Variants in PEDS1 observed in about 807,000 individuals in gnomAD.
PEDS1 encodes CarF homolog.
PEDS1 carries 14 observed loss-of-function variants against 35.2 expected under a neutral mutation model. The observed-to-expected ratio is 0.40, with a 90% confidence interval of 0.26 to 0.62. The LOEUF (loss-of-function observed/expected upper bound fraction) is 0.62. Ranked by LOEUF, PEDS1 falls within the 20% of genes least tolerant of loss-of-function variation. The pLI, the probability that PEDS1 is intolerant of heterozygous loss-of-function variation, is 0.44. For missense variants in PEDS1, 260 were observed against 367.8 expected, an observed-to-expected ratio of 0.71 and a Z score of 2.40; for synonymous variants, 152 against 152.0, an observed-to-expected ratio of 1.00 and a Z score of 0.00.
rs6095774 is a variant in PEDS1 at position 50,128,281 on chromosome 20, C to T, written c.479-94G>A. Reference sequence around the variant, plus strand: ...CTCACCACCTGCTCCTGGGCGGCTCCTGAGCTGGGCAAGCACCCAGGATTC... The same window carrying T: ...CTCACCACCTGCTCCTGGGCGGCTCTTGAGCTGGGCAAGCACCCAGGATTC... On this transcript the variant is annotated intron_variant, in intron 4 of 5. Transcript: ENST00000371652. This position sits in a 1 kb window ranked among gnomAD's most constrained non-coding sequence, Gnocchi z 5.2. 1.0e-3 allele frequency: 1,478 copies of T among 1,464,508 alleles called. 10 individuals carry two copies. The highest frequency in any genetic ancestry group is 7.3e-3 in the African/African-American group (527 of 71,874). The allele number at this position is 1,464,508 out of a possible 1,614,324, so 90.7% of individuals were successfully genotyped here.
intron 1 of PEDS1, among the ~76,000 whole-genome samples, chr20:50,149,651 A>C (rs2081381936): frequency 6.6e-6 from 1 of 151,960 alleles, no homozygotes; most frequent in South Asian, 2.1e-4. Context: ...TGCACCTGTC[A>C]CCATTCCCTC....
rs2081207823 is a variant in PEDS1, at chr20:50,134,099, C to CAGCTCT, written c.242-3158_242-3153dup. Among the ~76,000 whole-genome samples, 7 of 152,390 alleles carry CAGCTCT rather than the reference C, an allele frequency of 4.6e-5. No individual in the cohort carries two copies. The South Asian group carries it at 1.4e-3, about 32-fold the overall frequency. On this transcript the variant is annotated intron_variant, in intron 2 of 5. Coordinates refer to ENST00000371652, the MANE Select transcript of PEDS1 (RefSeq NM_199129.4). Reference sequence around the variant, plus strand: ...GAACTAGATCAAGTGTTGGGGGCCTCAGCTCTTGCTACCATATTGCTGTGT... The same window carrying CAGCTCT: ...GAACTAGATCAAGTGTTGGGGGCCTCAGCTCTAGCTCTTGCTACCATATTGCTGTGT...
intron 1 of PEDS1, chr20:50,151,360 G>C (rs929917535): frequency 7.4e-6 from 9 of 1,212,582 alleles, no homozygotes; most frequent in African/African-American, 3.1e-5. Flanking sequence ...GATCGTGGTG[G>C]AGTGGGGAAA....
Position 50,128,289 on chromosome 20 carries a change from G to T in PEDS1, c.479-102C>A. 7.1e-7 allele frequency: 1 copy of T among 1,417,178 alleles called. No homozygotes were observed. The highest frequency in any genetic ancestry group is 9.6e-7 in the Non-Finnish European group (1 of 1,042,074). 87.8% of individuals were successfully genotyped at this position (1,417,178 alleles called of 1,614,324 possible). On this transcript the variant is annotated intron_variant, in intron 4 of 5. Coordinates refer to ENST00000371652, the MANE Select transcript of PEDS1 (RefSeq NM_199129.4). The surrounding 1 kb of genome is among the most constrained non-coding windows in gnomAD (Gnocchi z 5.2). ...CTGCTCCTGGGCGGCTCCTGAGCTG[G>T]GCAAGCACCCAGGATTCTCTTCCAC...
chr20:50,153,546 G>A lies in PEDS1; in HGVS notation c.92C>T (p.Ala31Val). The change falls in exon 1 of 6, where the codon GCC becomes GTC. Residue 31 changes from alanine to valine, a missense_variant. Around this residue, in one of 4 missense-constraint regions of PEDS1, gnomAD observed 114 missense variants for 121.6 expected, o/e 0.94. Coordinates refer to ENST00000371652, the MANE Select transcript of PEDS1 (RefSeq NM_199129.4). ...CCRWGAQHAG[A>V]RELAALYSPG... ...CGAGTAGAGCGCAGCCAGCTCGCGG[G>A]CCCCGGCGTGCTGCGCGCCCCAGCG... 4 of 1,431,834 alleles carry A rather than the reference G, an allele frequency of 2.8e-6. No individual in the cohort carries two copies. Among genetic ancestry groups the A allele is most frequent in the Admixed American group, 2.4e-5 (1 of 41,024 alleles). The allele number at this position is 1,431,834 out of a possible 1,614,324, so 88.7% of individuals were successfully genotyped here. A position where few individuals can be genotyped will look rare whatever the true frequency, so the allele number is the denominator to read the frequency against.
intron 1 of PEDS1, among the ~76,000 whole-genome samples, chr20:50,148,771 GGACAAATAAGAGATGAGA>G (rs1482621726): frequency 6.6e-6 from 1 of 152,016 alleles, no homozygotes; most frequent in Non-Finnish European, 1.5e-5. Flanking sequence ...ATGGACAGAG[GGACAAATAAGAGATGAGA>G]GACAAATAAG....
chr20:50,136,326 G>A (rs1157215576), intron 2 of PEDS1, among the ~76,000 whole-genome samples: 1 of 152,174 alleles, frequency 6.6e-6, no homozygotes, highest in Admixed American at 6.5e-5. Context: ...ACTGTGTACT[G>A]GGGCTTTGTG....
chr20:50,124,956 C>A lies in PEDS1; in HGVS notation c.*102G>T, dbSNP rs139346170. On this transcript the variant is annotated 3_prime_UTR_variant, in exon 6 of 6. Transcript: ENST00000371652. ...ACCTGGGCCCAGCCCAGGAGATGTC[C>A]TCTCCATCTGGAGGGGCCAGCTCAA... The A allele has an allele frequency of 2.6e-6, 4 of 1,523,018 alleles. No individual in the cohort carries two copies. The highest frequency in any genetic ancestry group is 1.8e-6 in the Non-Finnish European group (2 of 1,116,288). The allele number at this position is 1,523,018 out of a possible 1,614,324, so 94.3% of individuals were successfully genotyped here. A position where few individuals can be genotyped will look rare whatever the true frequency, so the allele number is the denominator to read the frequency against.
At chr20:50,134,801 G>A (rs1047283477) in intron 2 of PEDS1, among the ~76,000 whole-genome samples, 25 of 152,178 alleles carry the variant, frequency 1.6e-4, no homozygotes, top group Admixed American at 1.5e-3. Flanking sequence ...GCCTTTTTAT[G>A]CGTAGACACA....
In PEDS1 at chr20:50,128,000, G is replaced by C. The variant is rs758115631; in HGVS notation, c.666C>G (p.His222Gln). ...CTGTGGTGATGCAGAAGTAGGTCTCGTGGGGTGAGACGTGGTGGATGCGAT... is the reference window on the plus strand; with the variant it reads ...CTGTGGTGATGCAGAAGTAGGTCTCCTGGGGTGAGACGTGGTGGATGCGAT... ...KHHRIHHVSP[H>Q]ETYFCITTGW... Residue 222 changes from histidine (H) to glutamine (Q), a missense_variant, in exon 5 of 6, where the codon CAC becomes CAG. Transcript: ENST00000371652. 2 of 1,614,118 alleles carry C rather than the reference G, an allele frequency of 1.2e-6. No homozygotes were observed. The highest frequency in any genetic ancestry group is 2.2e-5 in the East Asian group (1 of 44,878).
At chr20:50,144,256 C>G (rs1331592861) in intron 1 of PEDS1, among the ~76,000 whole-genome samples, 2 of 152,204 alleles carry the variant, frequency 1.3e-5, no homozygotes, top group African/African-American at 2.4e-5. Flanking sequence ...CTGGAGACAC[C>G]TAAGGGAACT....
rs753555451 is a variant in PEDS1 at position 50,128,111 on chromosome 20, G to A, written c.555C>T (p.Ile185=). The change falls in exon 5 of 6, where the codon ATC becomes ATT. Residue 185 remains isoleucine, a synonymous_variant. Coordinates refer to ENST00000371652, the MANE Select transcript of PEDS1 (RefSeq NM_199129.4). The surrounding 1 kb of genome is among the most constrained non-coding windows in gnomAD (Gnocchi z 5.2). ...CAAAGTACGTGTGCGACCACTTGTG[G>A]ATCTGGTTGGTGAAGGTGCCGAAGA... ...LIIFGTFTNQ[I]HKWSHTYFGL... The A allele has an allele frequency of 6.2e-7, 1 of 1,614,214 alleles. No homozygotes were observed. Among genetic ancestry groups the A allele is most frequent in the Non-Finnish European group, 8.5e-7 (1 of 1,180,030 alleles).
chr20:50,137,689 G>A (rs1218125131), intron 2 of PEDS1, among the ~76,000 whole-genome samples: 1 of 152,118 alleles, frequency 6.6e-6, no homozygotes, highest in Non-Finnish European at 1.5e-5. Context: ...TGGCCAACAT[G>A]GTGAAATTCC....
At chr20:50,140,630 C>CATCTTTTCA (rs2081282965) in intron 2 of PEDS1, among the ~76,000 whole-genome samples, 1 of 152,224 alleles carries the variant, frequency 6.6e-6, no homozygotes, top group African/African-American at 2.4e-5. Flanking sequence ...TCTGTGCAAA[C>CATCTTTTCA]GTCATCTTTT....
At chr20:50,151,863 C>CAAATA (rs1306902195) in intron 1 of PEDS1, among the ~76,000 whole-genome samples, 1 of 151,978 alleles carries the variant, frequency 6.6e-6, no homozygotes, top group Admixed American at 6.6e-5. Context: ...CATCTCAAAA[C>CAAATA]AAATAAAACA....
Position 50,143,638 on chromosome 20 carries a change from C to A in PEDS1, c.122-17G>T, listed in dbSNP as rs377280455. On this transcript the variant is annotated splice_polypyrimidine_tract_variant and intron_variant, in intron 1 of 5. Coordinates refer to ENST00000371652, the MANE Select transcript of PEDS1 (RefSeq NM_199129.4). ...GGCGCTTGCCTGCAGGGAGCAGAGG[C>A]GAGAGGTAAAGGCTGGAAGGTCAAG... 6.2e-7 allele frequency: 1 copy of A among 1,613,394 alleles called. No individual in the cohort carries two copies. The highest frequency in any genetic ancestry group is 1.3e-5 in the African/African-American group (1 of 74,818).
chr20:50,145,204 A>T (rs2081333548), intron 1 of PEDS1, among the ~76,000 whole-genome samples: 1 of 151,982 alleles, frequency 6.6e-6, no homozygotes, highest in South Asian at 2.1e-4. Context: ...TCCATCTCAA[A>T]AAATAAAAAC....
At chr20:50,149,463 T>G (rs1224495980) in intron 1 of PEDS1, among the ~76,000 whole-genome samples, 1 of 152,142 alleles carries the variant, frequency 6.6e-6, no homozygotes, top group African/African-American at 2.4e-5. Context: ...CCTCACCCTC[T>G]GGCCTGCCAA....
At chr20:50,138,282 A>G (rs2081256608) in intron 2 of PEDS1, among the ~76,000 whole-genome samples, 1 of 152,236 alleles carries the variant, frequency 6.6e-6, no homozygotes, top group South Asian at 2.1e-4. Flanking sequence ...CCCCAAGGTC[A>G]CACGGTGGCA....
Sources: allele counts gnomAD v4.1 joint callset (sites outside exome capture counted in the v4.1 genomes callset), GRCh38; gene constraint gnomAD v4.1.1; regional missense constraint gnomAD v4.1.1; non-coding constraint Gnocchi (gnomAD v3.1); transcripts MANE v1.5; gene names NCBI Gene and HGNC (gene_info 2026-07-23, HGNC 2026-07-21).